The following DNM3 variants were observed in gnomAD, a reference collection of about 807,000 sequenced individuals.
DNM3 encodes the protein dynamin-3.
In DNM3, 47 loss-of-function variants were observed where a neutral mutation model predicts 101.6. The ratio of observed to expected loss-of-function variants is 0.46; its 90% CI spans 0.37 to 0.59. The LOEUF is 0.59. Ranked by LOEUF, DNM3 falls within the 20% of genes least tolerant of loss-of-function variation. DNM3 has a pLI of 0.00. For missense variants in DNM3, 849 were observed against 1,085.7 expected (o/e 0.78, Z 3.06); for synonymous variants, 385 against 387.9 (o/e 0.99, Z 0.09).
chr1:172,173,451 C>T (rs919903597), intron 14 of DNM3, among the ~76,000 whole-genome samples: 1 of 150,668 alleles, frequency 6.6e-6, no homozygotes. Context: ...CAGGTGAAGA[C>T]ATCCAATTGA....
rs2071196205 is a variant in DNM3 at position 172,411,433 on chromosome 1, A to G, written c.*3592A>G. ...TAAGAAGTAAAACCTCTGGAGACCTATCTTTAAGATCTCTAATTGGAATTA... is the reference window on the plus strand; with the variant it reads ...TAAGAAGTAAAACCTCTGGAGACCTGTCTTTAAGATCTCTAATTGGAATTA... On this transcript the variant is annotated 3_prime_UTR_variant, in exon 21 of 21. Transcript: ENST00000627582. 1.0e-6 allele frequency: 1 copy of G among 984,686 alleles called. No homozygotes were observed. 61.0% of individuals were successfully genotyped at this position (984,686 alleles called of 1,614,324 possible).
Position 172,410,771 on chromosome 1 carries a change from G to A in DNM3, c.*2930G>A, listed in dbSNP as rs2071160554. ...AAGTATATTAATGAAACCAGTTCCT[G>A]TGATGTAACTGTAAGCCTTCTCGAC... On this transcript the variant is annotated 3_prime_UTR_variant, in exon 21 of 21. Coordinates refer to ENST00000627582, the MANE Select transcript of DNM3 (RefSeq NM_015569.5). The A allele has an allele frequency of 2.0e-6, 2 of 985,120 alleles. No homozygotes were observed. Among genetic ancestry groups the A allele is most frequent in the Admixed American group, 6.2e-5 (1 of 16,246 alleles). The allele number at this position is 985,120 out of a possible 1,614,324, so 61.0% of individuals were successfully genotyped here. A position where few individuals can be genotyped will look rare whatever the true frequency, so the allele number is the denominator to read the frequency against.
chr1:172,167,969 C>G (rs931357984), intron 14 of DNM3, among the ~76,000 whole-genome samples: 11 of 151,962 alleles, frequency 7.2e-5, no homozygotes, highest in African/African-American at 2.7e-4. Context: ...TAATTCCTGA[C>G]GCTTTGAGGT....
chr1:172,177,896 A>G (rs1018383446), intron 14 of DNM3, among the ~76,000 whole-genome samples: 1 of 151,852 alleles, frequency 6.6e-6, no homozygotes, highest in Non-Finnish European at 1.5e-5. Flanking sequence ...TTTTTCCCTT[A>G]ATGTGCCCAA....
intron 14 of DNM3, among the ~76,000 whole-genome samples, chr1:172,171,690 A>C (rs974641521): frequency 3.3e-5 from 5 of 151,728 alleles, no homozygotes; most frequent in Admixed American, 2.0e-4. Flanking sequence ...AAATGTGTTG[A>C]TATCAACCTT....
chr1:172,293,357 T>C (rs191809565), intron 15 of DNM3, among the ~76,000 whole-genome samples: 5 of 152,234 alleles, frequency 3.3e-5, no homozygotes, highest in African/African-American at 1.2e-4. Flanking sequence ...TTCTCTTTAG[T>C]GTAACGCTTA....
intron 12 of DNM3, among the ~76,000 whole-genome samples, chr1:172,084,743 G>A (rs2147764692): frequency 6.6e-6 from 1 of 152,202 alleles, no homozygotes; most frequent in South Asian, 2.1e-4. Context: ...AGAAAATTAA[G>A]GTCTGGGGTT....
At chr1:172,346,931 A>G (rs2066969214) in intron 17 of DNM3, among the ~76,000 whole-genome samples, 1 of 152,200 alleles carries the variant, frequency 6.6e-6, no homozygotes, top group African/African-American at 2.4e-5. Flanking sequence ...ACTGGAAAAA[A>G]CTGTATCCTG....
chr1:172,252,686 T>C (rs1557884585), intron 14 of DNM3, among the ~76,000 whole-genome samples: 8 of 152,084 alleles, frequency 5.3e-5, no homozygotes. Flanking sequence ...TTAAATTGAG[T>C]ATTTGGCTCT....
At chr1:172,166,212 T>A (rs1489491640) in intron 14 of DNM3, among the ~76,000 whole-genome samples, 2 of 152,094 alleles carry the variant, frequency 1.3e-5, no homozygotes, top group African/African-American at 4.8e-5. Flanking sequence ...GCTCAATATA[T>A]GTGTGCTGAA....
rs376542672 is a variant in DNM3, at chr1:172,216,065, T to C, written c.1660-37508T>C. Among the ~76,000 whole-genome samples, 7 of 147,812 alleles carry C rather than the reference T, an allele frequency of 4.7e-5. No homozygotes were observed. The East Asian group carries it at 1.4e-3, about 29-fold the overall frequency. ...GGGGTAGAACAAAGCTGCAGACATA[T>C]ATTTTTCAAACCTGCTGTCAAGGAA... On this transcript the variant is annotated intron_variant, in intron 14 of 20. Coordinates refer to ENST00000627582, the MANE Select transcript of DNM3 (RefSeq NM_015569.5).
intron 6 of DNM3, among the ~76,000 whole-genome samples, chr1:172,037,967 T>A (rs2125823234): frequency 6.6e-6 from 1 of 152,318 alleles, no homozygotes; most frequent in South Asian, 2.1e-4. Context: ...AACTTAAGGT[T>A]CCTTTCTACA....
At chr1:172,222,538 A>G (rs2060946523) in intron 14 of DNM3, among the ~76,000 whole-genome samples, 3 of 152,206 alleles carry the variant, frequency 2.0e-5, no homozygotes, top group African/African-American at 7.2e-5. Flanking sequence ...AAAGGTTAGC[A>G]AGAGGACAGG....
chr1:172,313,894 C>T (rs2065189065), intron 16 of DNM3, among the ~76,000 whole-genome samples: 1 of 151,928 alleles, frequency 6.6e-6, no homozygotes. Context: ...TTTGCTGCAC[C>T]CATCAACCAG....
At chr1:172,130,698 A>G (rs965038547) in intron 13 of DNM3, among the ~76,000 whole-genome samples, 3 of 152,146 alleles carry the variant, frequency 2.0e-5, no homozygotes, top group African/African-American at 7.2e-5. Flanking sequence ...TAACTGATTG[A>G]ATTGAGTTTC....
At chr1:171,935,769 CTTTTTTT>C (rs551030808) in intron 2 of DNM3, among the ~76,000 whole-genome samples, 633 of 47,992 alleles carry the variant, frequency 0.013, 4 homozygotes, top group Middle Eastern at 0.12. Flanking sequence ...CAAATCAAAA[CTTTTTTT>C]TTTTTTTTTT....
chr1:171,973,822 C>T (rs539344757), intron 2 of DNM3, among the ~76,000 whole-genome samples: 1 of 151,988 alleles, frequency 6.6e-6, no homozygotes, highest in Non-Finnish European at 1.5e-5. Flanking sequence ...TGCCATTATG[C>T]CTGGCTAATT....
intron 10 of DNM3, among the ~76,000 whole-genome samples, chr1:172,061,783 G>T (rs377752745): frequency 1.3e-5 from 2 of 151,612 alleles, no homozygotes; most frequent in African/African-American, 4.8e-5. Flanking sequence ...CACCAGCATG[G>T]CACATGTATA....
intron 17 of DNM3, among the ~76,000 whole-genome samples, chr1:172,332,993 G>A (rs1349663748): frequency 6.6e-6 from 1 of 152,106 alleles, no homozygotes; most frequent in Admixed American, 6.5e-5. Context: ...AGAAAGTGCA[G>A]AAACCAAAAA....
Sources: gnomAD v4.1 joint callset for allele counts (sites outside exome capture counted in the v4.1 genomes callset) on GRCh38, gnomAD v4.1.1 for gene constraint, MANE v1.5 for transcripts, NCBI Gene and HGNC (gene_info 2026-07-23, HGNC 2026-07-21) for gene names.